AQR: variants seen among roughly 807,000 people sequenced by gnomAD.
The protein encoded by AQR is aquarius intron-binding spliceosomal factor, also known as RNA helicase aquarius.
In AQR, 61 loss-of-function variants were observed where a neutral mutation model predicts 180.5. The ratio of observed to expected loss-of-function variants is 0.34; its 90% confidence interval spans 0.28 to 0.42. The LOEUF is 0.42. Among genes scored for constraint, AQR ranks in the 10% least tolerant of loss-of-function variants. AQR has a pLI of 1.00. For missense variants in AQR, 1,281 were observed against 1,798.3 expected (o/e 0.71, Z 5.20); for synonymous variants, 551 against 588.8 (o/e 0.94, Z 0.93).
chr15:34,946,504 C>A (rs1894120511), intron 5 of AQR, among the ~76,000 whole-genome samples: 3 of 140,980 alleles, frequency 2.1e-5, no homozygotes, highest in Non-Finnish European at 4.6e-5. Flanking sequence ...CCCCGCCCGG[C>A]CAGCCGCCCC....
intron 15 of AQR, among the ~76,000 whole-genome samples, chr15:34,917,286 T>C (rs1893609709): frequency 6.6e-6 from 1 of 152,236 alleles, no homozygotes; most frequent in Non-Finnish European, 1.5e-5. Flanking sequence ...CCAATACTTA[T>C]ACTTGTGATG....
chr15:34,914,434 C>T (rs2140482921), intron 16 of AQR, among the ~76,000 whole-genome samples: 2 of 152,226 alleles, frequency 1.3e-5, no homozygotes, highest in South Asian at 4.1e-4. Context: ...AGAAGAATTC[C>T]TCAAATAACA....
In AQR at chr15:34,871,596, CCAATA is replaced by C. The variant is rs1892818651; in HGVS notation, c.3598-679_3598-675del. ...ATAAAGGAACAAAGTAACTAAGAAG[CCAATA>C]CAATACCCAGTTTAATAGCAAATAC... On this transcript the variant is annotated intron_variant, in intron 30 of 34. Transcript: ENST00000156471. Among the ~76,000 whole-genome samples the C allele has an allele frequency of 2.0e-5, 3 of 151,900 alleles. No individual in the cohort carries two copies. The South Asian group carries it at 6.2e-4, about 32-fold the overall frequency.
At position 34,944,390 on chromosome 15, in the gene AQR, A is replaced by T. The variant is rs1346830098; in HGVS notation, c.369T>A (p.Phe123Leu). 1 of 1,607,204 alleles carries T rather than the reference A, an allele frequency of 6.2e-7. No homozygotes were observed. Among genetic ancestry groups the T allele is most frequent in the Admixed American group, 1.7e-5 (1 of 58,462 alleles). ...KKKPDHFPFF[F>L]KHILKAALAE... ...CTAATGCCGCCTTCAAGATGTGTTTAAAAAAGAATGGGAAGTGGTCTGGCT... is the reference window on the plus strand; with the variant it reads ...CTAATGCCGCCTTCAAGATGTGTTTTAAAAAGAATGGGAAGTGGTCTGGCT... Residue 123 changes from phenylalanine (F) to leucine (L), a missense_variant, in exon 6 of 35, where the codon TTT becomes TTA. Phe to Leu is a conservative substitution (Grantham distance 22). Coordinates refer to ENST00000156471, the MANE Select transcript of AQR (RefSeq NM_014691.3).
In AQR at chr15:34,856,748, A is replaced by G; in HGVS notation, c.*44T>C. The G allele has an allele frequency of 7.0e-7, 1 of 1,429,972 alleles. No homozygotes were observed. Among genetic ancestry groups the G allele is most frequent in the Non-Finnish European group, 9.2e-7 (1 of 1,081,892 alleles). The allele number at this position is 1,429,972 out of a possible 1,614,324, so 88.6% of individuals were successfully genotyped here. On this transcript the variant is annotated 3_prime_UTR_variant, in exon 35 of 35. Transcript: ENST00000156471. ...AAATACAAAAAACAGCTTTACTCAGACTTTTTGACTGCCATGTCCTCCTTT... is the reference window on the plus strand; with the variant it reads ...AAATACAAAAAACAGCTTTACTCAGGCTTTTTGACTGCCATGTCCTCCTTT...
intron 20 of AQR, among the ~76,000 whole-genome samples, chr15:34,898,527 A>G (rs966198851): frequency 2.0e-5 from 3 of 152,190 alleles, no homozygotes; most frequent in African/African-American, 7.2e-5. Context: ...GACAGGGAGG[A>G]AAGATTTTGC....
chr15:34,865,750 C>T (rs1194899234), intron 32 of AQR, among the ~76,000 whole-genome samples: 1 of 152,176 alleles, frequency 6.6e-6, no homozygotes, highest in Non-Finnish European at 1.5e-5. Flanking sequence ...AGTACTGATA[C>T]ATTCGACAAC....
At chr15:34,936,714 T>A (rs10152495) in intron 9 of AQR, among the ~76,000 whole-genome samples, 16 of 145,562 alleles carry the variant, frequency 1.1e-4, no homozygotes, top group African/African-American at 3.6e-4. Context: ...AGACTCCATC[T>A]TTAAAAAAAA....
chr15:34,880,765 G>T (rs910432073), intron 27 of AQR, among the ~76,000 whole-genome samples: 13 of 152,164 alleles, frequency 8.5e-5, no homozygotes, highest in African/African-American at 3.1e-4. Context: ...TCCTTTGGGT[G>T]AGCACAGAAT....
intron 3 of AQR, among the ~76,000 whole-genome samples, chr15:34,960,502 T>C (rs907782143): frequency 5.0e-4 from 76 of 152,210 alleles, no homozygotes; most frequent in African/African-American, 1.6e-3. Context: ...GAAATAATAC[T>C]AGTAATAAAA....
chr15:34,885,180 T>C (rs182310526), intron 25 of AQR, among the ~76,000 whole-genome samples: 1 of 152,152 alleles, frequency 6.6e-6, no homozygotes, highest in African/African-American at 2.4e-5. Flanking sequence ...TTGGCACTTG[T>C]CAACCCTCTG....
chr15:34,864,767 G>C (rs1892719134), intron 32 of AQR, among the ~76,000 whole-genome samples: 1 of 152,100 alleles, frequency 6.6e-6, no homozygotes, highest in Admixed American at 6.6e-5. Flanking sequence ...CTTCTCCCCA[G>C]CCTTCAGTGC....
intron 13 of AQR, among the ~76,000 whole-genome samples, chr15:34,926,463 C>T (rs1893766246): frequency 6.6e-6 from 1 of 152,138 alleles, no homozygotes; most frequent in Non-Finnish European, 1.5e-5. Context: ...TGCTGTGTAA[C>T]CTAGGCAAAT....
At chr15:34,874,412 T>C (rs1892863676) in intron 29 of AQR, 1 of 423,878 alleles carries the variant, frequency 2.4e-6, no homozygotes, top group Non-Finnish European at 4.1e-6. Flanking sequence ...TTTGGGGACA[T>C]GAAGAAAGGA....
intron 9 of AQR, among the ~76,000 whole-genome samples, chr15:34,937,278 GCC>G (rs1893958717): frequency 1.3e-5 from 2 of 151,994 alleles, no homozygotes; most frequent in Admixed American, 1.3e-4. Flanking sequence ...ACCCACCTCA[GCC>G]TCCCAAAGTG....
At chr15:34,946,382 G>A (rs1462336786) in intron 5 of AQR, among the ~76,000 whole-genome samples, 1 of 151,068 alleles carries the variant, frequency 6.6e-6, no homozygotes, top group Admixed American at 6.6e-5. Context: ...TCTTGAGGTC[G>A]GGGGGGTCAG....
At chr15:34,897,817 GC>G in intron 20 of AQR, 112 bp from the exon 21 acceptor site, 1 of 1,186,186 alleles carries the variant, frequency 8.4e-7, no homozygotes, top group East Asian at 2.4e-5. Context: ...AACATTTCTG[GC>G]TTAAAGGAAC....
At chr15:34,874,559 A>G in intron 29 of AQR, 118 bp downstream of exon 29, 2 of 1,228,630 alleles carry the variant, frequency 1.6e-6, no homozygotes, top group Non-Finnish European at 2.3e-6. Context: ...ATTTATGGAT[A>G]GCCAAGTTCC....
chr15:34,946,202 C>G lies in AQR; in HGVS notation c.331-1774G>C, dbSNP rs547603562. Among the ~76,000 whole-genome samples, 25 of 152,298 alleles carry G rather than the reference C, an allele frequency of 1.6e-4. No homozygotes were observed. In the South Asian group the frequency reaches 3.1e-3, roughly 19 times the overall value. On this transcript the variant is annotated intron_variant, in intron 5 of 34. Coordinates refer to ENST00000156471, the MANE Select transcript of AQR (RefSeq NM_014691.3). ...AGGAGAATTGCTGGAACCTGGGAGGCAGATGTTGCAGTGAGCTGAGATCAC... is the reference window on the plus strand; with the variant it reads ...AGGAGAATTGCTGGAACCTGGGAGGGAGATGTTGCAGTGAGCTGAGATCAC...
Sources: gnomAD v4.1 joint callset for allele counts (sites outside exome capture counted in the v4.1 genomes callset) on GRCh38, gnomAD v4.1.1 for gene constraint, MANE v1.5 for transcripts, NCBI Gene and HGNC (gene_info 2026-07-23, HGNC 2026-07-21) for gene names.